The following NUP210L variants were observed in gnomAD, a reference collection of about 807,000 sequenced individuals.
The protein encoded by NUP210L is nucleoporin 210 like, also known as nuclear pore membrane glycoprotein 210-like.
A neutral mutation model predicts 208.5 loss-of-function variants in NUP210L; 74 were observed. That is an observed-to-expected ratio of 0.35 (90% CI 0.29 to 0.43). NUP210L has a LOEUF of 0.43. Ranked by LOEUF, NUP210L falls within the 20% of genes least tolerant of loss-of-function variation. The probability of loss-of-function intolerance (pLI) is 1.00; values close to 1 mark genes in which losing one functional copy is unlikely to be tolerated. For missense variants in NUP210L, 1,843 were observed against 2,289.4 expected, an observed-to-expected ratio of 0.81 and a Z score of 3.98; for synonymous variants, 780 against 816.9, an observed-to-expected ratio of 0.95 and a Z score of 0.77.
At chr1:154,035,987 C>G (rs945899970) in intron 27 of NUP210L, among the ~76,000 whole-genome samples, 1 of 152,034 alleles carries the variant, frequency 6.6e-6, no homozygotes. Context: ...CCGGCCTCGG[C>G]CTCCCAAAGT....
intron 12 of NUP210L, among the ~76,000 whole-genome samples, chr1:154,108,113 G>A (rs965600641): frequency 3.3e-5 from 5 of 151,956 alleles, no homozygotes; most frequent in African/African-American, 4.8e-5. Flanking sequence ...TAGAAACAAC[G>A]CAAAGTTAAA....
intron 33 of NUP210L, 65 bp from the exon 34 acceptor site, chr1:154,012,435 AC>A: frequency 6.7e-7 from 1 of 1,483,946 alleles, no homozygotes. Flanking sequence ...TTCCAGATCC[AC>A]CCCTCATAAC....
intron 7 of NUP210L, among the ~76,000 whole-genome samples, chr1:154,132,635 A>G (rs1658315471): frequency 6.6e-6 from 1 of 152,190 alleles, no homozygotes; most frequent in Admixed American, 6.5e-5. Context: ...AAAAATAACA[A>G]TATGAACTGA....
intron 20 of NUP210L, 65 bp from the exon 21 acceptor site, chr1:154,058,758 T>G: frequency 6.5e-7 from 1 of 1,529,888 alleles, no homozygotes; most frequent in East Asian, 2.3e-5. Flanking sequence ...TCAAAGCAAC[T>G]ATTTTCACCC....
intron 16 of NUP210L, among the ~76,000 whole-genome samples, chr1:154,085,190 A>C (rs1173812541): frequency 7.7e-6 from 1 of 129,614 alleles, no homozygotes; most frequent in African/African-American, 2.7e-5. Context: ...TACTAAAAAT[A>C]CAAAAAAAAA....
At chr1:154,019,512 T>C (rs577410051) in intron 32 of NUP210L, among the ~76,000 whole-genome samples, 10 of 152,296 alleles carry the variant, frequency 6.6e-5, no homozygotes, top group African/African-American at 2.4e-4. Context: ...TTAGAGTTTG[T>C]ACTTAGCCTG....
chr1:154,015,722 A>AACACACACAC (rs372823301), intron 33 of NUP210L, among the ~76,000 whole-genome samples: 2 of 144,362 alleles, frequency 1.4e-5, no homozygotes, highest in Non-Finnish European at 3.0e-5. Flanking sequence ...TCTGTCTCAA[A>AACACACACAC]ACACACACAC....
At chr1:154,039,188 C>T (rs1259825827) in intron 27 of NUP210L, among the ~76,000 whole-genome samples, 1 of 151,258 alleles carries the variant, frequency 6.6e-6, no homozygotes, top group East Asian at 1.9e-4. Context: ...TCTTGTAGGA[C>T]AGGTCTGGTA....
At chr1:154,085,913 T>TA (rs1335257227) in intron 16 of NUP210L, among the ~76,000 whole-genome samples, 2 of 151,554 alleles carry the variant, frequency 1.3e-5, no homozygotes, top group South Asian at 2.1e-4. Flanking sequence ...TACCAACATG[T>TA]AAAAAAAATG....
At chr1:154,069,110 C>A (rs1259316183) in intron 17 of NUP210L, among the ~76,000 whole-genome samples, 4 of 152,126 alleles carry the variant, frequency 2.6e-5, no homozygotes, top group Non-Finnish European at 4.4e-5. Context: ...AAAACCTAGG[C>A]AATACCATTC....
chr1:154,072,522 T>A (rs554352262), intron 16 of NUP210L, among the ~76,000 whole-genome samples: 58 of 151,806 alleles, frequency 3.8e-4, no homozygotes, highest in African/African-American at 1.4e-3. Flanking sequence ...TTAGTAGAGA[T>A]GGGGTTTCAC....
chr1:154,009,213 A>G (rs1013793270), intron 35 of NUP210L, among the ~76,000 whole-genome samples: 1 of 152,038 alleles, frequency 6.6e-6, no homozygotes, highest in African/African-American at 2.4e-5. Flanking sequence ...GCCTGGCCCT[A>G]TACCTTACAT....
At chr1:154,033,789 T>TC (rs1256893456) in intron 27 of NUP210L, among the ~76,000 whole-genome samples, 1 of 152,216 alleles carries the variant, frequency 6.6e-6, no homozygotes, top group Non-Finnish European at 1.5e-5. Flanking sequence ...GTGAAGAATG[T>TC]CACTGGTATT....
chr1:154,051,271 G>A (rs1160215203), intron 25 of NUP210L, among the ~76,000 whole-genome samples: 2 of 151,982 alleles, frequency 1.3e-5, no homozygotes, highest in Non-Finnish European at 2.9e-5. Context: ...GTGCAGTGGC[G>A]TGATCTTGGC....
At chr1:154,092,740 T>G (rs2148050792) in intron 15 of NUP210L, among the ~76,000 whole-genome samples, 1 of 151,624 alleles carries the variant, frequency 6.6e-6, no homozygotes, top group South Asian at 2.1e-4. Flanking sequence ...TTGTTTGTTT[T>G]TTGAGACGGG....
chr1:154,104,388 T>C (rs1221472632), intron 12 of NUP210L, 178 bp from the exon 13 acceptor site: 2 of 597,986 alleles, frequency 3.3e-6, no homozygotes, highest in East Asian at 5.6e-5. Context: ...AGGTGAGCAA[T>C]CACAGTACCT....
intron 10 of NUP210L, among the ~76,000 whole-genome samples, chr1:154,124,206 A>AAAG (rs1553239802): frequency 4.6e-5 from 7 of 150,664 alleles, no homozygotes; most frequent in Admixed American, 1.3e-4. Flanking sequence ...AAAAAAAAAA[A>AAAG]AGAGAGAGAG....
intron 27 of NUP210L, among the ~76,000 whole-genome samples, chr1:154,034,794 G>A (rs1353064020): frequency 6.7e-6 from 1 of 149,936 alleles, no homozygotes. Context: ...CAGCCTTAAT[G>A]ATCCTTTGAA....
intron 25 of NUP210L, among the ~76,000 whole-genome samples, chr1:154,047,793 T>G (rs569757401): frequency 3.3e-5 from 5 of 152,186 alleles, no homozygotes; most frequent in Non-Finnish European, 5.9e-5. Flanking sequence ...TCTGTGTGTG[T>G]GTCTTTAATT....
Sources: allele counts gnomAD v4.1 joint callset (sites outside exome capture counted in the v4.1 genomes callset), GRCh38; gene constraint gnomAD v4.1.1; transcripts MANE v1.5; gene names NCBI Gene and HGNC (gene_info 2026-07-23, HGNC 2026-07-21).